CNTNAP2: variants seen among roughly 807,000 people sequenced by gnomAD.
CNTNAP2 encodes contactin associated protein 2.
In CNTNAP2, 98 loss-of-function variants were observed where a neutral mutation model predicts 155.2. The observed-to-expected ratio is 0.63, with a 90% confidence interval of 0.54 to 0.75. The LOEUF (loss-of-function observed/expected upper bound fraction) is 0.75. Ranked by LOEUF, CNTNAP2 falls within the 30% of genes least tolerant of loss-of-function variation. The probability of loss-of-function intolerance (pLI) is 0.00; values close to 1 mark genes in which losing one functional copy is unlikely to be tolerated. For synonymous variants in CNTNAP2, 651 were observed against 631.2 expected (o/e 1.03, Z -0.47); for missense variants, 1,727 against 1,688.1 (o/e 1.02, Z -0.40).
intron 11 of CNTNAP2, among the ~76,000 whole-genome samples, chr7:147,549,620 A>T (rs1472994911): frequency 1.3e-5 from 2 of 152,168 alleles, no homozygotes; most frequent in Non-Finnish European, 2.9e-5. Flanking sequence ...GTAAAGGGGA[A>T]CCCATATACT....
intron 13 of CNTNAP2, among the ~76,000 whole-genome samples, chr7:147,746,433 A>T (rs78097862): frequency 0.017 from 2,563 of 152,288 alleles, 70 homozygotes; most frequent in African/African-American, 0.055. Flanking sequence ...CAGTTGGGCA[A>T]GCCAGTCTCA....
intron 1 of CNTNAP2, among the ~76,000 whole-genome samples, chr7:146,457,590 G>C (rs1404266910): frequency 2.1e-5 from 3 of 143,084 alleles, no homozygotes; most frequent in Non-Finnish European, 4.5e-5. Flanking sequence ...TGCAACCTCT[G>C]CCTCCCAGGT....
chr7:148,319,182 C>A (rs561690522), intron 21 of CNTNAP2, among the ~76,000 whole-genome samples: 11 of 152,174 alleles, frequency 7.2e-5, no homozygotes, highest in Admixed American at 7.2e-4. Flanking sequence ...TAATAATATG[C>A]TAGACAGTAA....
Position 148,167,296 on chromosome 7 carries a change from C to T in CNTNAP2, c.2774-4946C>T, listed in dbSNP as rs927687017. On this transcript the variant is annotated intron_variant, in intron 17 of 23. Coordinates refer to ENST00000361727, the MANE Select transcript of CNTNAP2 (RefSeq NM_014141.6). The stretch of plus-strand genomic sequence containing the variant: ...CTGGGATTACAGGTGCATGCCACCA[C>T]GCCTGGCTAATTTTGTATTTTCAGT... Among the ~76,000 whole-genome samples the T allele has an allele frequency of 7.9e-5, 12 of 152,192 alleles. No individual in the cohort carries two copies. In the South Asian group the frequency reaches 8.3e-4, roughly 11 times the overall value.
chr7:148,093,617 A>G (rs1041567549), intron 15 of CNTNAP2, among the ~76,000 whole-genome samples: 5 of 152,252 alleles, frequency 3.3e-5, no homozygotes, highest in Non-Finnish European at 4.4e-5. Context: ...TTCGTTTTAC[A>G]GACATCACAA....
intron 10 of CNTNAP2, among the ~76,000 whole-genome samples, chr7:147,396,216 G>T (rs926169881): frequency 6.7e-6 from 1 of 148,856 alleles, no homozygotes; most frequent in Non-Finnish European, 1.5e-5. Context: ...AACACACTGT[G>T]GTGTTATATT....
chr7:147,504,681 T>A (rs1798876147), intron 11 of CNTNAP2, among the ~76,000 whole-genome samples: 1 of 102,044 alleles, frequency 9.8e-6, no homozygotes, highest in African/African-American at 4.1e-5. Context: ...AGAATGAGAT[T>A]CTGTCTTAAA....
chr7:147,639,993 C>A (rs987317421), intron 13 of CNTNAP2, among the ~76,000 whole-genome samples: 1 of 152,130 alleles, frequency 6.6e-6, no homozygotes, highest in Non-Finnish European at 1.5e-5. Context: ...AAAACTGCAT[C>A]TCTGTGTCTG....
At chr7:147,889,485 C>T (rs867895716) in intron 13 of CNTNAP2, among the ~76,000 whole-genome samples, 11 of 151,670 alleles carry the variant, frequency 7.3e-5, no homozygotes, top group Middle Eastern at 3.2e-3. Flanking sequence ...CCTATTGATA[C>T]GAATGCAAAT....
At chr7:148,212,096 G>T (rs866408118) in intron 18 of CNTNAP2, among the ~76,000 whole-genome samples, 13 of 151,952 alleles carry the variant, frequency 8.6e-5, no homozygotes, top group African/African-American at 3.1e-4. Context: ...TGAATAATAG[G>T]AGTGAGTGCC....
chr7:147,665,102 T>G (rs1795672987), intron 13 of CNTNAP2, among the ~76,000 whole-genome samples: 1 of 152,200 alleles, frequency 6.6e-6, no homozygotes, highest in Non-Finnish European at 1.5e-5. Context: ...AATTTTTACC[T>G]GTGCCCCAAT....
At chr7:147,884,751 C>T (rs180961910) in intron 13 of CNTNAP2, among the ~76,000 whole-genome samples, 4 of 152,298 alleles carry the variant, frequency 2.6e-5, no homozygotes, top group South Asian at 2.1e-4. Context: ...TTTCCGTCAT[C>T]TTACTGCTCT....
At chr7:147,522,146 A>C (rs866515490) in intron 11 of CNTNAP2, among the ~76,000 whole-genome samples, 4 of 152,302 alleles carry the variant, frequency 2.6e-5, no homozygotes, top group African/African-American at 9.6e-5. Context: ...TGAGGGCACT[A>C]ATTCCACCTG....
intron 10 of CNTNAP2, among the ~76,000 whole-genome samples, chr7:147,402,661 T>C (rs1019722219): frequency 2.6e-5 from 4 of 152,168 alleles, no homozygotes; most frequent in Non-Finnish European, 5.9e-5. Context: ...GATTTCTATA[T>C]CTTTTGGAGA....
rs1246793293 is a variant in CNTNAP2, at chr7:147,480,708, C to T, written c.1671-5227C>T. Among the ~76,000 whole-genome samples the T allele has an allele frequency of 3.3e-5, 5 of 152,284 alleles. No individual in the cohort carries two copies. The East Asian group carries it at 9.7e-4, about 29-fold the overall frequency. On this transcript the variant is annotated intron_variant, in intron 10 of 23. Transcript: ENST00000361727. ...TAGCCCTGGCTGCAGGCTGTCTTCTCTCCTTGTGCTCCCTTCCTGGGCTGT... is the reference window on the plus strand; with the variant it reads ...TAGCCCTGGCTGCAGGCTGTCTTCTTTCCTTGTGCTCCCTTCCTGGGCTGT...
At position 148,296,129 on chromosome 7, in the gene CNTNAP2, A is replaced by G. The variant is rs1797280217; in HGVS notation, c.3475+29003A>G. On this transcript the variant is annotated intron_variant, in intron 21 of 23. Transcript: ENST00000361727. ...AATGAGCCAAAAACTCTCTCTTTTTAGATTGCAAGACAGGTATCTCTTCAT... is the reference window on the plus strand; with the variant it reads ...AATGAGCCAAAAACTCTCTCTTTTTGGATTGCAAGACAGGTATCTCTTCAT... Among the ~76,000 whole-genome samples, 3 of 152,196 alleles carry G rather than the reference A, an allele frequency of 2.0e-5. No individual in the cohort carries two copies. The South Asian group carries it at 6.2e-4, about 32-fold the overall frequency.
At chr7:146,906,158 C>T (rs1207807210) in intron 3 of CNTNAP2, among the ~76,000 whole-genome samples, 1 of 152,104 alleles carries the variant, frequency 6.6e-6, no homozygotes, top group Non-Finnish European at 1.5e-5. Flanking sequence ...CCTACGCCCA[C>T]GGAGTCTCGC....
chr7:148,381,357 C>A (rs986746360), intron 21 of CNTNAP2: 1 of 152,212 alleles, frequency 6.6e-6, no homozygotes, highest in African/African-American at 2.4e-5. Flanking sequence ...TGACATCACA[C>A]AAATTGAAGG....
chr7:148,267,580 C>T (rs979437964), intron 21 of CNTNAP2, among the ~76,000 whole-genome samples: 5 of 146,276 alleles, frequency 3.4e-5, no homozygotes, highest in Admixed American at 6.9e-5. Context: ...GCTTGAACCC[C>T]GGAGGTGGAG....
Sources: allele counts gnomAD v4.1 joint callset (sites outside exome capture counted in the v4.1 genomes callset), GRCh38; gene constraint gnomAD v4.1.1; transcripts MANE v1.5; gene names NCBI Gene and HGNC (gene_info 2026-07-23, HGNC 2026-07-21).